Variants in JMJD1C observed in about 807,000 individuals in gnomAD.
The protein encoded by JMJD1C is jumonji domain-containing protein 1C.
Under a neutral mutation model 245.3 loss-of-function variants are expected in JMJD1C, and 31 were observed. The ratio of observed to expected loss-of-function variants is 0.13; its 90% CI spans 0.09 to 0.17. The LOEUF (loss-of-function observed/expected upper bound fraction) is 0.17, where lower values mean the gene tolerates loss of function less well. Ranked by LOEUF, JMJD1C falls within the 10% of genes least tolerant of loss-of-function variation. The pLI, the probability that JMJD1C is intolerant of heterozygous loss-of-function variation, is 1.00. For missense variants in JMJD1C, 2,691 were observed against 3,000.2 expected, an observed-to-expected ratio of 0.90 and a Z score of 2.41; for synonymous variants, 1,057 against 1,017.4, an observed-to-expected ratio of 1.04 and a Z score of -0.74.
Position 63,214,426 on chromosome 10 carries a change from T to C in JMJD1C, c.1741A>G (p.Asn581Asp). ...KVDLTQSSVT[N>D]ASSGNDHLNM... is the part of the protein sequence containing the mutation. ...AAGTGATCATTTCCTGAAGAAGCAT[T>C]TGTAACACTTGATTGGGTTAGATCC... The change falls in exon 8 of 26, where the codon AAT becomes GAT. Residue 581 changes from asparagine (N) to aspartate (D), a missense_variant. Physicochemically the swap from Asn to Asp is conservative, Grantham distance 23. Coordinates refer to ENST00000399262, the MANE Select transcript of JMJD1C (RefSeq NM_032776.3). The C allele has an allele frequency of 1.2e-6, 2 of 1,613,900 alleles. No individual in the cohort carries two copies. Among genetic ancestry groups the C allele is most frequent in the South Asian group, 1.1e-5 (1 of 91,086 alleles).
intron 17 of JMJD1C, among the ~76,000 whole-genome samples, chr10:63,190,257 T>G (rs1306563937): frequency 6.6e-6 from 1 of 151,974 alleles, no homozygotes; most frequent in Non-Finnish European, 1.5e-5. Flanking sequence ...CAGGCTGGAG[T>G]GTAGTGGCGT....
chr10:63,513,562 C>G (rs1183068113), intron 1 of JMJD1C, among the ~76,000 whole-genome samples: 1 of 152,184 alleles, frequency 6.6e-6, no homozygotes, highest in Non-Finnish European at 1.5e-5. Flanking sequence ...AACCATGTAT[C>G]TGACAAAGGT....
chr10:63,380,285 G>A (rs1382861341), intron 2 of JMJD1C, 33 bp downstream of exon 2: 1 of 1,608,238 alleles, frequency 6.2e-7, no homozygotes, highest in African/African-American at 1.3e-5. Context: ...ACGAACAAAT[G>A]AAAATGCTTA....
At chr10:63,191,214 C>T in intron 16 of JMJD1C, 106 bp from the exon 17 acceptor site, 1 of 771,734 alleles carries the variant, frequency 1.3e-6, no homozygotes, top group South Asian at 1.6e-5. Context: ...TCACTGCAAC[C>T]TCTGCCTCCC....
At chr10:63,363,570 C>T (rs886757492) in intron 2 of JMJD1C, among the ~76,000 whole-genome samples, 1 of 151,746 alleles carries the variant, frequency 6.6e-6, no homozygotes, top group African/African-American at 2.4e-5. Flanking sequence ...TACAATTTTT[C>T]GATCAATTCC....
At chr10:63,191,754 G>A (rs1233263759) in intron 16 of JMJD1C, among the ~76,000 whole-genome samples, 5 of 151,924 alleles carry the variant, frequency 3.3e-5, no homozygotes, top group Admixed American at 3.3e-4. Context: ...AGAGGCTGAG[G>A]CAGGCGGATC....
chr10:63,428,589 CAT>C (rs1238719836), intron 1 of JMJD1C, among the ~76,000 whole-genome samples: 3 of 152,050 alleles, frequency 2.0e-5, no homozygotes, highest in Admixed American at 6.6e-5. Flanking sequence ...TAAGCAGAAA[CAT>C]ATACTGGAAC....
chr10:63,191,983 CAAAAAAAAAAA>C (rs10652559), intron 16 of JMJD1C, among the ~76,000 whole-genome samples: 5 of 60,824 alleles, frequency 8.2e-5, no homozygotes, highest in African/African-American at 2.9e-4. Flanking sequence ...GACTCTGTCT[CAAAAAAAAAAA>C]AAAAAAAAAA....
rs576616322 is a variant in JMJD1C at position 63,184,822 on chromosome 10, A to C, written c.6831-84T>G. 1.5e-5 allele frequency: 19 copies of C among 1,293,764 alleles called. 1 individual carries two copies. The African/African-American group carries it at 2.8e-4, about 19-fold the overall frequency. 80.1% of individuals were successfully genotyped at this position (1,293,764 alleles called of 1,614,324 possible). On this transcript the variant is annotated intron_variant, in intron 20 of 25. Coordinates refer to ENST00000399262, the MANE Select transcript of JMJD1C (RefSeq NM_032776.3). ...ACATATATAATTTTCAAGTTGTTCA[A>C]AACAGCAGACTACCTTTCCATAAGA... is the stretch of plus-strand genomic sequence containing the variant.
intron 10 of JMJD1C, among the ~76,000 whole-genome samples, chr10:63,201,448 T>C (rs1380504479): frequency 6.6e-6 from 1 of 152,000 alleles, no homozygotes; most frequent in Non-Finnish European, 1.5e-5. Flanking sequence ...GTCTAATATG[T>C]GAAAAAAAAA....
chr10:63,199,060 C>T (rs1041530909), intron 11 of JMJD1C, among the ~76,000 whole-genome samples: 3 of 152,108 alleles, frequency 2.0e-5, no homozygotes, highest in Admixed American at 2.0e-4. Flanking sequence ...CAGAGCAATG[C>T]TGTTATTTTA....
Position 63,301,507 on chromosome 10 carries a change from T to C in JMJD1C, c.334-36743A>G, listed in dbSNP as rs565554831. 1.0e-3 allele frequency among the ~76,000 whole-genome samples: 159 copies of C among 152,316 alleles called. 5 individuals are homozygous for C. In the South Asian group the frequency reaches 0.03, roughly 29 times the overall value. On this transcript the variant is annotated intron_variant, in intron 2 of 25. Coordinates refer to ENST00000399262, the MANE Select transcript of JMJD1C (RefSeq NM_032776.3). Reference sequence around the variant, plus strand: ...CACACATACATGCACACTTAAGATATAGTTCACAAATAAAACAAATGGCTA... The same window carrying C: ...CACACATACATGCACACTTAAGATACAGTTCACAAATAAAACAAATGGCTA...
In JMJD1C at chr10:63,215,156, A is replaced by G. The variant is rs1432210133; in HGVS notation, c.1016-5T>C. ...TGTTTTTACCTTTAGGATTTTCTGT[A>G]GGATTAAAGAAAGAAGAGTCTTATT... On this transcript the variant is annotated splice_region_variant and splice_polypyrimidine_tract_variant and intron_variant, in intron 7 of 25. Coordinates refer to ENST00000399262, the MANE Select transcript of JMJD1C (RefSeq NM_032776.3). The G allele has an allele frequency of 5.2e-6, 8 of 1,526,270 alleles. No individual in the cohort carries two copies. Among genetic ancestry groups the G allele is most frequent in the Middle Eastern group, 1.7e-4 (1 of 5,726 alleles). The allele number at this position is 1,526,270 out of a possible 1,614,324, so 94.5% of individuals were successfully genotyped here.
intron 1 of JMJD1C, chr10:63,465,179 C>T: frequency 2.9e-6 from 1 of 349,808 alleles, no homozygotes; most frequent in Non-Finnish European, 5.2e-6. Flanking sequence ...CGCGGCTCCG[C>T]CTTTCGGGGA....
intron 3 of JMJD1C, among the ~76,000 whole-genome samples, chr10:63,251,206 C>A (rs2133625784): frequency 6.6e-6 from 1 of 152,234 alleles, no homozygotes; most frequent in Middle Eastern, 3.4e-3. Context: ...ACAAAAATGG[C>A]TATTCCATAA....
chr10:63,410,317 T>A (rs576504278), intron 1 of JMJD1C, among the ~76,000 whole-genome samples: 1 of 152,226 alleles, frequency 6.6e-6, no homozygotes. Context: ...AAAACATCTA[T>A]GGATTTCTCC....
rs1951034693 is a variant in JMJD1C at position 63,435,908 on chromosome 10, A to C, written c.168+29587T>G. ...AGCAAGACGCTGTCTCAAACAAACA[A>C]ACTAAAAAAGAGTGTGGCAAAATAC... is the stretch of plus-strand genomic sequence containing the variant. On this transcript the variant is annotated intron_variant, in intron 1 of 25. Coordinates refer to ENST00000399262, the MANE Select transcript of JMJD1C (RefSeq NM_032776.3). Among the ~76,000 whole-genome samples, 3 of 152,188 alleles carry C rather than the reference A, an allele frequency of 2.0e-5. No homozygotes were observed. In the South Asian group the frequency reaches 6.2e-4, roughly 31 times the overall value.
Position 63,208,442 on chromosome 10 carries a change from T to C in JMJD1C, c.3227A>G (p.Asp1076Gly). The change falls in exon 10 of 26, where the codon GAT becomes GGT. Residue 1076 changes from aspartate (D) to glycine (G), a missense_variant. Physicochemically the swap from Asp to Gly is moderately conservative, Grantham distance 94. Around this residue, in one of 9 missense-constraint regions of JMJD1C, gnomAD observed 1,562 missense variants for 1,490.7 expected, o/e 1.05. Coordinates refer to ENST00000399262, the MANE Select transcript of JMJD1C (RefSeq NM_032776.3). Reference sequence around the variant, plus strand: ...CACTGAGTGCTTCATTTTATAAAGATCTGATACTGAGCGTTCTACATCCAT... The same window carrying C: ...CACTGAGTGCTTCATTTTATAAAGACCTGATACTGAGCGTTCTACATCCAT... ...QDMDVERSVS[D>G]LYKMKHSVPQ... is the part of the protein sequence containing the mutation. 1.2e-6 allele frequency: 2 copies of C among 1,614,062 alleles called. No homozygotes were observed. The highest frequency in any genetic ancestry group is 1.7e-6 in the Non-Finnish European group (2 of 1,179,998).
intron 1 of JMJD1C, among the ~76,000 whole-genome samples, chr10:63,483,847 A>G (rs763176126): frequency 1.3e-5 from 2 of 152,184 alleles, no homozygotes; most frequent in Non-Finnish European, 2.9e-5. Flanking sequence ...TTAGGATTAA[A>G]AATTTTAATA....
Sources: gnomAD v4.1 joint callset for allele counts (sites outside exome capture counted in the v4.1 genomes callset) on GRCh38, gnomAD v4.1.1 for gene constraint, gnomAD v4.1.1 regional missense constraint, MANE v1.5 for transcripts, NCBI Gene and HGNC (gene_info 2026-07-23, HGNC 2026-07-21) for gene names.